The following PIK3C2G variants were observed in gnomAD, a reference collection of about 807,000 sequenced individuals.
The protein encoded by PIK3C2G is phosphatidylinositol-4-phosphate 3-kinase catalytic subunit type 2 gamma, also known as phosphatidylinositol 3-kinase C2 domain-containing subunit gamma.
Under a neutral mutation model 181.1 loss-of-function variants are expected in PIK3C2G, and 168 were observed. The ratio of observed to expected loss-of-function variants is 0.93; its 90% confidence interval spans 0.82 to 1.05. The LOEUF is 1.05. PIK3C2G is among the 50% of genes least tolerant of loss of function. The pLI is 0.00. For synonymous variants in PIK3C2G, 573 were observed against 592.2 expected, an observed-to-expected ratio of 0.97 and a Z score of 0.47; for missense variants, 1,869 against 1,732.8, an observed-to-expected ratio of 1.08 and a Z score of -1.40.
intron 29 of PIK3C2G, among the ~76,000 whole-genome samples, chr12:18,588,364 C>T (rs1005830213): frequency 2.0e-5 from 3 of 151,766 alleles, no homozygotes; most frequent in Non-Finnish European, 2.9e-5. Context: ...TGACAAAGGT[C>T]TAATATGCAC....
At chr12:18,331,506 A>G (rs1286079792) in intron 8 of PIK3C2G, among the ~76,000 whole-genome samples, 2 of 152,024 alleles carry the variant, frequency 1.3e-5, no homozygotes, top group African/African-American at 4.8e-5. Context: ...TCATATATTG[A>G]CCTTCTATAC....
chr12:18,515,953 TTAAC>T (rs1011588654), intron 24 of PIK3C2G, among the ~76,000 whole-genome samples: 40 of 152,046 alleles, frequency 2.6e-4, no homozygotes, highest in African/African-American at 9.4e-4. Flanking sequence ...AATTTTCTAT[TTAAC>T]TTTTTCCTTA....
At chr12:18,638,951 CAAAAA>C (rs779064940) in intron 31 of PIK3C2G, among the ~76,000 whole-genome samples, 2 of 97,594 alleles carry the variant, frequency 2.0e-5, no homozygotes, top group Non-Finnish European at 2.1e-5. Context: ...CTCTTCTCAC[CAAAAA>C]AAAAAAAAAA....
chr12:18,440,628 T>C (rs1946693415), intron 18 of PIK3C2G, among the ~76,000 whole-genome samples: 1 of 152,026 alleles, frequency 6.6e-6, no homozygotes, highest in Non-Finnish European at 1.5e-5. Context: ...AGGTGTCTAT[T>C]TGGGGTGTTG....
chr12:18,247,673 T>C (rs1415288492), exon 1 of PIK3C2G: 2 of 152,152 alleles, frequency 1.3e-5, no homozygotes, highest in African/African-American at 4.8e-5. Flanking sequence ...CAAATGGACT[T>C]TCCAGTTGAT....
At position 18,546,190 on chromosome 12, in the gene PIK3C2G, G is replaced by A. The variant is rs1236285849; in HGVS notation, c.3481-133G>A. On this transcript the variant is annotated intron_variant, in intron 25 of 32. Coordinates refer to ENST00000538779, the MANE Select transcript of PIK3C2G (RefSeq NM_001288772.2). The stretch of plus-strand genomic sequence containing the variant: ...AACGCACGAACTTATATGCATTCGT[G>A]TATATAAACTGAAAGACATTGCCAT... 7.1e-5 allele frequency: 43 copies of A among 608,972 alleles called. 2 individuals carry two copies. In the Admixed American group the frequency reaches 1.1e-3, roughly 16 times the overall value. 37.7% of individuals were successfully genotyped at this position (608,972 alleles called of 1,614,324 possible). A position where few individuals can be genotyped will look rare whatever the true frequency, so the allele number is the denominator to read the frequency against.
At chr12:18,629,999 A>C (rs555019793) in intron 31 of PIK3C2G, among the ~76,000 whole-genome samples, 1 of 152,280 alleles carries the variant, frequency 6.6e-6, no homozygotes, top group South Asian at 2.1e-4. Context: ...CACCTCATTG[A>C]CTCAGTCATT....
At chr12:18,472,730 C>G (rs1938572622) in intron 18 of PIK3C2G, among the ~76,000 whole-genome samples, 1 of 152,106 alleles carries the variant, frequency 6.6e-6, no homozygotes, top group African/African-American at 2.4e-5. Flanking sequence ...GACAAAGTCT[C>G]ACTCTGTCAC....
At chr12:18,305,602 C>T (rs1950385817) in intron 5 of PIK3C2G, among the ~76,000 whole-genome samples, 2 of 146,598 alleles carry the variant, frequency 1.4e-5, no homozygotes, top group African/African-American at 2.5e-5. Context: ...TGACCCAATG[C>T]TCCATTTTTC....
In PIK3C2G at chr12:18,356,416, G is replaced by T. The variant is rs550260817; in HGVS notation, c.1626-6348G>T. 2.6e-5 allele frequency among the ~76,000 whole-genome samples: 4 copies of T among 152,090 alleles called. No homozygotes were observed. In the East Asian group the frequency reaches 7.8e-4, roughly 30 times the overall value. On this transcript the variant is annotated intron_variant, in intron 11 of 32. Coordinates refer to ENST00000538779, the MANE Select transcript of PIK3C2G (RefSeq NM_001288772.2). ...GACAAGTGCTTCTGGGTGCTGATAG[G>T]AGTAGAACTCCATGTGGCCCCGTGG...
intron 4 of PIK3C2G, among the ~76,000 whole-genome samples, chr12:18,291,977 G>A (rs912266669): frequency 2.6e-5 from 4 of 151,112 alleles, no homozygotes; most frequent in East Asian, 1.9e-4. Context: ...GGAAGGGCGA[G>A]GCAGGCAGAT....
In PIK3C2G at chr12:18,617,477, A is replaced by G. The variant is rs142974712; in HGVS notation, c.4182+7848A>G. ...CCAAAAGAGAGAAAATTTTGTATGCATATTCACAAAATAGTAAACTGAAAT... is the reference window on the plus strand; with the variant it reads ...CCAAAAGAGAGAAAATTTTGTATGCGTATTCACAAAATAGTAAACTGAAAT... On this transcript the variant is annotated intron_variant, in intron 31 of 32. Coordinates refer to ENST00000538779, the MANE Select transcript of PIK3C2G (RefSeq NM_001288772.2). 2.1e-3 allele frequency among the ~76,000 whole-genome samples: 317 copies of G among 152,288 alleles called. 1 individual carries two copies. Among genetic ancestry groups the G allele is most frequent in the African/African-American group, 7.2e-3 (300 of 41,560 alleles).
intron 31 of PIK3C2G, among the ~76,000 whole-genome samples, chr12:18,619,659 T>C (rs559360933): frequency 1.1e-4 from 17 of 152,288 alleles, no homozygotes; most frequent in African/African-American, 3.8e-4. Flanking sequence ...CTTTCAAGTA[T>C]TTGGAAAATT....
At chr12:18,669,409 C>T in the PIK3C2G span, among the ~76,000 whole-genome samples, 1 of 152,162 alleles carries the variant, frequency 6.6e-6, no homozygotes, top group Non-Finnish European at 1.5e-5. Context: ...TAATTATCCT[C>T]ACTTTAAATA....
rs115865362 is a variant in PIK3C2G, at chr12:18,350,207, C to T, written c.1625+3371C>T. Among the ~76,000 whole-genome samples the T allele has an allele frequency of 3.8e-3, 573 of 152,132 alleles. 3 individuals are homozygous for T. Among genetic ancestry groups the T allele is most frequent in the African/African-American group, 0.013 (542 of 41,484 alleles). Reference sequence around the variant, plus strand: ...GGCAGTGTAAGAGTGGTTGACTAGACAATTCTTAAAATGATTGTTAGTAAT... The same window carrying T: ...GGCAGTGTAAGAGTGGTTGACTAGATAATTCTTAAAATGATTGTTAGTAAT... On this transcript the variant is annotated intron_variant, in intron 11 of 32. Transcript: ENST00000538779.
At chr12:18,673,216 G>T in the PIK3C2G span, among the ~76,000 whole-genome samples, 1 of 151,986 alleles carries the variant, frequency 6.6e-6, no homozygotes, top group East Asian at 1.9e-4. Context: ...TACAGGAAAA[G>T]ATCCTTTTAA....
chr12:18,304,892 G>T (rs1386136502), intron 5 of PIK3C2G, among the ~76,000 whole-genome samples: 1 of 152,104 alleles, frequency 6.6e-6, no homozygotes, highest in Non-Finnish European at 1.5e-5. Flanking sequence ...TAGATAAAGT[G>T]CATTTCTCTT....
the PIK3C2G span, chr12:18,693,008 A>G: frequency 7.1e-7 from 1 of 1,412,048 alleles, no homozygotes; most frequent in East Asian, 2.3e-5. Context: ...TGGAGGAAGA[A>G]TTCATTAGAA....
intron 30 of PIK3C2G, among the ~76,000 whole-genome samples, chr12:18,595,333 T>C (rs1404032777): frequency 1.3e-5 from 2 of 152,122 alleles, no homozygotes; most frequent in Non-Finnish European, 2.9e-5. Context: ...TGTTGTTAAA[T>C]GATTACAGGG....
Sources: allele counts gnomAD v4.1 joint callset (sites outside exome capture counted in the v4.1 genomes callset), GRCh38; gene constraint gnomAD v4.1.1; transcripts MANE v1.5; gene names NCBI Gene and HGNC (gene_info 2026-07-23, HGNC 2026-07-21).